RREB1: variants seen among roughly 807,000 people sequenced by gnomAD.
The protein encoded by RREB1 is ras-responsive element-binding protein 1.
Under a neutral mutation model 117.8 loss-of-function variants are expected in RREB1, and 27 were observed. That is an observed-to-expected ratio of 0.23 (90% CI 0.17 to 0.32). The LOEUF (loss-of-function observed/expected upper bound fraction) is 0.32. Among genes scored for constraint, RREB1 ranks in the 10% least tolerant of loss-of-function variants. The pLI, the probability that RREB1 is intolerant of heterozygous loss-of-function variation, is 1.00. For synonymous variants in RREB1, 1,298 were observed against 1,026.7 expected, an observed-to-expected ratio of 1.26 and a Z score of -5.05; for missense variants, 2,577 against 2,378.2, an observed-to-expected ratio of 1.08 and a Z score of -1.74.
Position 7,231,366 on chromosome 6 carries a change from A to G in RREB1, c.3267A>G (p.Pro1089=). ...PTLLKTKVAD[P]GPASTGSNTT... is the part of the protein sequence containing the mutation. Reference sequence around the variant, plus strand: ...TGCTGAAAACCAAGGTGGCGGACCCAGGGCCCGCAAGCACTGGCAGTAACA... The same window carrying G: ...TGCTGAAAACCAAGGTGGCGGACCCGGGGCCCGCAAGCACTGGCAGTAACA... The change falls in exon 10 of 13, where the codon CCA becomes CCG. Residue 1089 remains proline (P), a synonymous_variant. Coordinates refer to ENST00000379938, the MANE Select transcript of RREB1 (RefSeq NM_001003699.4). 3 of 1,613,054 alleles carry G rather than the reference A, an allele frequency of 1.9e-6. No individual in the cohort carries two copies. The highest frequency in any genetic ancestry group is 1.3e-5 in the African/African-American group (1 of 74,896).
intron 9 of RREB1, among the ~76,000 whole-genome samples, chr6:7,227,580 T>C (rs889664294): frequency 1.3e-5 from 2 of 151,840 alleles, no homozygotes; most frequent in Non-Finnish European, 2.9e-5. Flanking sequence ...ATAAAAGTGG[T>C]GAATTGTAAA....
chr6:7,114,412 G>A (rs1243469097), intron 1 of RREB1, among the ~76,000 whole-genome samples: 4 of 151,582 alleles, frequency 2.6e-5, no homozygotes, highest in African/African-American at 9.7e-5. Flanking sequence ...CAACCTGGTG[G>A]GTTTGCCCCC....
chr6:7,195,104 A>T (rs1433534295), intron 6 of RREB1, among the ~76,000 whole-genome samples: 2 of 152,176 alleles, frequency 1.3e-5, no homozygotes, highest in African/African-American at 4.8e-5. Context: ...TTGAGTAAAC[A>T]TTCATATAAT....
intron 1 of RREB1, among the ~76,000 whole-genome samples, chr6:7,139,951 G>A (rs991524281): frequency 4.5e-4 from 68 of 152,220 alleles, no homozygotes; most frequent in African/African-American, 1.5e-3. Flanking sequence ...CAGTTCATGC[G>A]CAGGTTTCAG....
At chr6:7,204,365 T>G (rs985603080) in intron 6 of RREB1, among the ~76,000 whole-genome samples, 1 of 151,490 alleles carries the variant, frequency 6.6e-6, no homozygotes, top group African/African-American at 2.4e-5. Context: ...AGAACTTGAT[T>G]GGCATTACAA....
chr6:7,247,006 C>T lies in RREB1; in HGVS notation c.4556C>T (p.Ala1519Val), dbSNP rs556832534. Residue 1519 changes from alanine (A) to valine (V), a missense_variant, in exon 12 of 13, where the codon GCG becomes GTG. By Grantham distance (64) the Ala-to-Val change is moderately conservative. Transcript: ENST00000379938. ...ESAPGAGEAPAEKLAEETEGP... is the reference protein window; with the variant it reads ...ESAPGAGEAPVEKLAEETEGP... ...GCCCCGGGTGCCGGGGAGGCCCCGG[C>T]GGAAAAGCTCGCGGAGGAGACGGAG... 1.2e-6 allele frequency: 2 copies of T among 1,605,274 alleles called. No homozygotes were observed. Among genetic ancestry groups the T allele is most frequent in the East Asian group, 2.3e-5 (1 of 44,306 alleles).
chr6:7,147,083 C>T (rs768504520), intron 1 of RREB1, among the ~76,000 whole-genome samples: 11 of 152,132 alleles, frequency 7.2e-5, no homozygotes, highest in South Asian at 4.1e-4. Flanking sequence ...GTGGGTGGCT[C>T]GTGGAGAAGG....
Position 7,249,016 on chromosome 6 carries a change from T to G in RREB1, c.*48T>G. On this transcript the variant is annotated 3_prime_UTR_variant, in exon 13 of 13. Coordinates refer to ENST00000379938, the MANE Select transcript of RREB1 (RefSeq NM_001003699.4). ...AGACAAAAGCCAGCAGAGCAAAGCG[T>G]CTATACTTCATGGGGTTTCCTCAGT... The G allele has an allele frequency of 7.1e-7, 1 of 1,399,726 alleles. No individual in the cohort carries two copies. Among genetic ancestry groups the G allele is most frequent in the Non-Finnish European group, 9.4e-7 (1 of 1,066,628 alleles). 86.7% of individuals were successfully genotyped at this position (1,399,726 alleles called of 1,614,324 possible).
At chr6:7,164,271 A>G (rs1298315729) in intron 1 of RREB1, among the ~76,000 whole-genome samples, 3 of 151,692 alleles carry the variant, frequency 2.0e-5, no homozygotes, top group African/African-American at 4.8e-5. Flanking sequence ...TTCCCTACCT[A>G]CTATCATCAA....
In RREB1 at chr6:7,231,213, C is replaced by A. The variant is rs563655407; in HGVS notation, c.3114C>A (p.Gly1038=). The change falls in exon 10 of 13, where the codon GGC becomes GGA. Residue 1038 remains glycine (G), a synonymous_variant. Transcript: ENST00000379938. ...TGGGCAGCTCAGCCCTCCTGAGTGG[C>A]ACAGCCTTGCTGCGTCCACTGCGGC... ...PLVGSSALLS[G]TALLRPLRPK... 6.2e-7 allele frequency: 1 copy of A among 1,612,184 alleles called. No individual in the cohort carries two copies. Among genetic ancestry groups the A allele is most frequent in the African/African-American group, 1.3e-5 (1 of 74,932 alleles).
At chr6:7,108,890 C>CA (rs1446559078) in intron 1 of RREB1, among the ~76,000 whole-genome samples, 1 of 151,638 alleles carries the variant, frequency 6.6e-6, no homozygotes, top group Non-Finnish European at 1.5e-5. Context: ...TCACGCCGAC[C>CA]ACCGCCCCGG....
chr6:7,206,532 G>A (rs1376810948), intron 6 of RREB1, among the ~76,000 whole-genome samples: 2 of 152,188 alleles, frequency 1.3e-5, no homozygotes, highest in African/African-American at 4.8e-5. Flanking sequence ...CAACACCTAT[G>A]TGCCACCAGG....
Position 7,182,063 on chromosome 6 carries a change from G to A in RREB1, c.152G>A (p.Arg51Gln), listed in dbSNP as rs896165382. 2 of 1,614,140 alleles carry A rather than the reference G, an allele frequency of 1.2e-6. No homozygotes were observed. The highest frequency in any genetic ancestry group is 2.2e-5 in the East Asian group (1 of 44,870). Residue 51 changes from arginine to glutamine, a missense_variant, in exon 4 of 13, where the codon CGG becomes CAG. Physicochemically the swap from Arg to Gln is conservative, Grantham distance 43. Coordinates refer to ENST00000379938, the MANE Select transcript of RREB1 (RefSeq NM_001003699.4). ...CCCTCGAAGCCTCCAGGACCAAATCGGATTGGCAGAAGGAACCAGGTAAGT... is the reference window on the plus strand; with the variant it reads ...CCCTCGAAGCCTCCAGGACCAAATCAGATTGGCAGAAGGAACCAGGTAAGT... ...KSPSKPPGPN[R>Q]IGRRNQETKE...
chr6:7,234,638 G>C (rs1030553652), intron 10 of RREB1, among the ~76,000 whole-genome samples: 2 of 152,212 alleles, frequency 1.3e-5, no homozygotes, highest in African/African-American at 2.4e-5. Context: ...AAAAGTTATT[G>C]ATAACCTTGA....
intron 1 of RREB1, among the ~76,000 whole-genome samples, chr6:7,162,622 A>G (rs369397302): frequency 2.0e-5 from 3 of 151,852 alleles, no homozygotes; most frequent in South Asian, 4.2e-4. Context: ...GATCGTCATA[A>G]TCTCCCAGGT....
intron 1 of RREB1, among the ~76,000 whole-genome samples, chr6:7,154,087 T>C (rs1007698512): frequency 2.0e-4 from 30 of 152,324 alleles, no homozygotes; most frequent in Non-Finnish European, 1.5e-5. Context: ...TGGAAGAATA[T>C]GTGGATATTC....
intron 4 of RREB1, among the ~76,000 whole-genome samples, chr6:7,185,486 C>T (rs1333318894): frequency 6.6e-6 from 1 of 152,114 alleles, no homozygotes; most frequent in Non-Finnish European, 1.5e-5. Flanking sequence ...AGGAGAATCA[C>T]TTGAACCCGG....
chr6:7,208,459 C>T (rs1015635232), intron 6 of RREB1, among the ~76,000 whole-genome samples: 8 of 152,210 alleles, frequency 5.3e-5, no homozygotes, highest in Non-Finnish European at 1.0e-4. Context: ...AGCTTTTGCT[C>T]ATCAAGCGGC....
At chr6:7,187,701 T>G (rs1765160347) in intron 5 of RREB1, 178 bp downstream of exon 5, 1 of 310,122 alleles carries the variant, frequency 3.2e-6, no homozygotes, top group Non-Finnish European at 5.7e-6. Flanking sequence ...ATTTTTGATC[T>G]AAATTATTCT....
Sources: allele counts gnomAD v4.1 joint callset (sites outside exome capture counted in the v4.1 genomes callset), GRCh38; gene constraint gnomAD v4.1.1; transcripts MANE v1.5; gene names NCBI Gene and HGNC (gene_info 2026-07-23, HGNC 2026-07-21).